Variants in CDC42BPA observed in about 807,000 individuals in gnomAD.
CDC42BPA encodes serine/threonine-protein kinase MRCK alpha.
Under a neutral mutation model 223.5 loss-of-function variants are expected in CDC42BPA, and 80 were observed. The observed-to-expected ratio is 0.36, with a 90% confidence interval of 0.30 to 0.43. The LOEUF is 0.43. CDC42BPA is among the 20% of genes least tolerant of loss of function. CDC42BPA has a pLI of 1.00. For synonymous variants in CDC42BPA, 694 were observed against 718.6 expected, an observed-to-expected ratio of 0.97 and a Z score of 0.55; for missense variants, 1,743 against 2,099.9, an observed-to-expected ratio of 0.83 and a Z score of 3.32.
At chr1:227,303,666 C>T (rs1692058952) in intron 1 of CDC42BPA, among the ~76,000 whole-genome samples, 1 of 152,164 alleles carries the variant, frequency 6.6e-6, no homozygotes, top group Non-Finnish European at 1.5e-5. Flanking sequence ...GTAAACTGAA[C>T]AGGTCCTCAG....
intron 24 of CDC42BPA, among the ~76,000 whole-genome samples, chr1:227,038,183 ATCTGATGGTTTTATAAAGGG>A: frequency 9.1e-6 from 1 of 110,068 alleles, no homozygotes; most frequent in Non-Finnish European, 2.0e-5. Context: ...GTCTCGTGAA[ATCTGATGGTTTTATAAAGGG>A]GAGTTCCCCT....
intron 23 of CDC42BPA, among the ~76,000 whole-genome samples, chr1:227,040,456 A>G (rs892039492): frequency 6.6e-6 from 1 of 152,200 alleles, no homozygotes. Flanking sequence ...TTAAATGATA[A>G]TTGCTCTTCA....
chr1:227,053,900 C>T (rs1674030109), intron 21 of CDC42BPA, among the ~76,000 whole-genome samples: 1 of 152,114 alleles, frequency 6.6e-6, no homozygotes, highest in South Asian at 2.1e-4. Context: ...AAAATCTCCT[C>T]CTCCTAGTTT....
chr1:227,143,673 GGTGGTGAGTTCA>G (rs928975098), intron 8 of CDC42BPA, among the ~76,000 whole-genome samples: 20 of 152,168 alleles, frequency 1.3e-4, no homozygotes, highest in South Asian at 2.1e-4. Flanking sequence ...CAGTGCTGCT[GGTGGTGAGTTCA>G]GTGGTGAGTT....
At chr1:227,044,885 C>T (rs1486599772) in intron 23 of CDC42BPA, among the ~76,000 whole-genome samples, 1 of 152,176 alleles carries the variant, frequency 6.6e-6, no homozygotes, top group African/African-American at 2.4e-5. Flanking sequence ...CTCCCACCCT[C>T]GACTTTTACC....
chr1:227,077,697 A>T (rs1439496945), intron 17 of CDC42BPA, among the ~76,000 whole-genome samples: 1 of 152,116 alleles, frequency 6.6e-6, no homozygotes, highest in Non-Finnish European at 1.5e-5. Context: ...TCTCAGGATC[A>T]CCTCAGTCTT....
rs1004183517 is a variant in CDC42BPA, at chr1:227,084,603, C to G, written c.2356-3586G>C. On this transcript the variant is annotated intron_variant, in intron 16 of 36. Coordinates refer to ENST00000366766, the MANE Select transcript of CDC42BPA (RefSeq NM_001394014.1). ...CTTTATTTCAGAGCTACATTTTTTTCTGATAAATGGTCTCACCTGCTATTT... is the reference window on the plus strand; with the variant it reads ...CTTTATTTCAGAGCTACATTTTTTTGTGATAAATGGTCTCACCTGCTATTT... 4.7e-5 allele frequency among the ~76,000 whole-genome samples: 7 copies of G among 148,314 alleles called. No individual in the cohort carries two copies. The East Asian group carries it at 9.8e-4, about 21-fold the overall frequency.
intron 21 of CDC42BPA, among the ~76,000 whole-genome samples, chr1:227,061,293 T>A (rs1161967945): frequency 1.3e-5 from 2 of 152,168 alleles, no homozygotes; most frequent in African/African-American, 4.8e-5. Context: ...CTATCTCCCT[T>A]CTTCCTTAAT....
intron 16 of CDC42BPA, among the ~76,000 whole-genome samples, chr1:227,085,997 C>T (rs952629086): frequency 2.0e-5 from 3 of 152,062 alleles, no homozygotes; most frequent in African/African-American, 4.8e-5. Flanking sequence ...GATCTTGGTC[C>T]GCACTCTGAT....
At chr1:227,188,414 GAA>G (rs35709081) in intron 5 of CDC42BPA, among the ~76,000 whole-genome samples, 31 of 148,920 alleles carry the variant, frequency 2.1e-4, no homozygotes, top group East Asian at 9.9e-4. Context: ...GAGAGAGAGG[GAA>G]AAAAAAAAAG....
chr1:227,139,774 A>G (rs761385126), intron 9 of CDC42BPA, 32 bp from the exon 10 acceptor site: 1 of 1,368,916 alleles, frequency 7.3e-7, no homozygotes, highest in Non-Finnish European at 9.6e-7. Flanking sequence ...GTAGGTTCAT[A>G]CTGTGATAAA....
In CDC42BPA at chr1:227,035,517, A is replaced by G; in HGVS notation, c.3290T>C (p.Ile1097Thr). Residue 1097 changes from isoleucine (I) to threonine (T), a missense_variant, in exon 25 of 37, where the codon ATA becomes ACA. Ile to Thr is a moderately conservative substitution (Grantham distance 89). Coordinates refer to ENST00000366766, the MANE Select transcript of CDC42BPA (RefSeq NM_001394014.1). The stretch of plus-strand genomic sequence containing the variant: ...TGTTCCTATTCCTTTCTGAGGATCT[A>G]TACCCAGGGGACCTTTTGTCTGTTC... ...PPEQTKGPLGIDPQKGIGTAY... is the reference protein window; with the variant it reads ...PPEQTKGPLGTDPQKGIGTAY... 1.9e-6 allele frequency: 3 copies of G among 1,612,122 alleles called. No individual in the cohort carries two copies. The highest frequency in any genetic ancestry group is 1.1e-5 in the South Asian group (1 of 90,644).
chr1:227,283,735 TAATA>T (rs1688368461), intron 1 of CDC42BPA, among the ~76,000 whole-genome samples: 1 of 152,214 alleles, frequency 6.6e-6, no homozygotes, highest in Non-Finnish European at 1.5e-5. Flanking sequence ...AATATCCATG[TAATA>T]AATAAGCATA....
intron 2 of CDC42BPA, among the ~76,000 whole-genome samples, chr1:227,251,122 T>C (rs1280598435): frequency 1.3e-5 from 2 of 151,896 alleles, no homozygotes; most frequent in African/African-American, 4.8e-5. Flanking sequence ...GGGAAGTACA[T>C]GAATGTGAAG....
intron 3 of CDC42BPA, among the ~76,000 whole-genome samples, chr1:227,209,430 G>A (rs1673458326): frequency 1.4e-5 from 2 of 142,074 alleles, no homozygotes; most frequent in Admixed American, 7.2e-5. Flanking sequence ...TCCCTGTCTT[G>A]TGCCAGTTTT....
intron 21 of CDC42BPA, among the ~76,000 whole-genome samples, chr1:227,058,418 G>A (rs983771904): frequency 6.6e-6 from 1 of 152,176 alleles, no homozygotes; most frequent in Admixed American, 6.5e-5. Context: ...AACTTTCCGA[G>A]TCTAAGAATT....
Position 227,047,994 on chromosome 1 carries a change from G to A in CDC42BPA, c.3026C>T (p.Pro1009Leu), listed in dbSNP as rs1011027354. 6 of 1,609,368 alleles carry A rather than the reference G, an allele frequency of 3.7e-6. No individual in the cohort carries two copies. In the African/African-American group the frequency reaches 8.0e-5, roughly 22 times the overall value. Residue 1009 changes from proline (P) to leucine (L), a missense_variant, in exon 23 of 37, where the codon CCA becomes CTA. By Grantham distance (98) the Pro-to-Leu change is moderately conservative. Around this residue, in one of 6 missense-constraint regions of CDC42BPA, gnomAD observed 678 missense variants for 777.5 expected, o/e 0.87. Coordinates refer to ENST00000366766, the MANE Select transcript of CDC42BPA (RefSeq NM_001394014.1). The part of the protein sequence containing the change: ...AEPVKTVDST[P>L]LSVHTPTLRK... The stretch of plus-strand genomic sequence containing the variant: ...TAAGGTTGGTGTGTGAACTGAAAGT[G>A]GAGTGGAGTCTACAGTCTGAACCCA...
intron 15 of CDC42BPA, 69 bp downstream of exon 15, chr1:227,100,923 T>G: frequency 1.0e-6 from 1 of 987,816 alleles, no homozygotes. Context: ...TGTCTATGTA[T>G]CTCCAATACT....
rs527346387 is a variant in CDC42BPA at position 227,155,394 on chromosome 1, T to C, written c.693+5149A>G. On this transcript the variant is annotated intron_variant, in intron 6 of 36. Transcript: ENST00000366766. Reference sequence around the variant, plus strand: ...GGCATTTTTCAGACATGGAAGATTATGAAATATTTACTTCCAATGGAACCT... The same window carrying C: ...GGCATTTTTCAGACATGGAAGATTACGAAATATTTACTTCCAATGGAACCT... Among the ~76,000 whole-genome samples, 193 of 152,310 alleles carry C rather than the reference T, an allele frequency of 1.3e-3. 1 individual carries two copies. The highest frequency in any genetic ancestry group is 2.1e-3 in the Non-Finnish European group (145 of 68,012).
Sources: gnomAD v4.1 joint callset for allele counts (sites outside exome capture counted in the v4.1 genomes callset) on GRCh38, gnomAD v4.1.1 for gene constraint, gnomAD v4.1.1 regional missense constraint, MANE v1.5 for transcripts, NCBI Gene and HGNC (gene_info 2026-07-23, HGNC 2026-07-21) for gene names.